ZFAT: variants seen among roughly 807,000 people sequenced by gnomAD.
ZFAT encodes the protein zinc finger and AT-hook domain containing.
A neutral mutation model predicts 117.7 loss-of-function variants in ZFAT; 64 were observed. The ratio of observed to expected loss-of-function variants is 0.54; its 90% CI spans 0.44 to 0.67. ZFAT has a LOEUF of 0.67. Ranked by LOEUF, ZFAT falls within the 30% of genes least tolerant of loss-of-function variation. The pLI is 0.00. For synonymous variants in ZFAT, 679 were observed against 615.0 expected, an observed-to-expected ratio of 1.10 and a Z score of -1.54; for missense variants, 1,433 against 1,584.5, an observed-to-expected ratio of 0.90 and a Z score of 1.62.
chr8:134,715,983 T>G (rs1814207150), upstream of ZFAT, among the ~76,000 whole-genome samples: 1 of 152,098 alleles, frequency 6.6e-6, no homozygotes, highest in African/African-American at 2.4e-5. Context: ...GGATCTTGGC[T>G]GGGCATGGTG....
the ZFAT span, among the ~76,000 whole-genome samples, chr8:134,803,355 G>C: frequency 6.6e-6 from 1 of 152,190 alleles, no homozygotes; most frequent in Non-Finnish European, 1.5e-5. Flanking sequence ...ACCTTTGGCA[G>C]GGAAGACTTC....
At chr8:134,591,448 G>A (rs1826495747) in intron 7 of ZFAT, among the ~76,000 whole-genome samples, 2 of 152,202 alleles carry the variant, frequency 1.3e-5, no homozygotes, top group African/African-American at 4.8e-5. Context: ...TATGGCTTTT[G>A]CTCACCTCCC....
At chr8:134,518,567 TC>T (rs1284035043) in intron 13 of ZFAT, among the ~76,000 whole-genome samples, 1 of 152,184 alleles carries the variant, frequency 6.6e-6, no homozygotes, top group Non-Finnish European at 1.5e-5. Context: ...ATTTACATTT[TC>T]TTTTCCCTGA....
chr8:134,577,797 AAG>A (rs1250926176), intron 10 of ZFAT, among the ~76,000 whole-genome samples: 7 of 152,204 alleles, frequency 4.6e-5, no homozygotes, highest in African/African-American at 1.7e-4. Context: ...AAAAACATGA[AAG>A]AGAGTATGAA....
intron 7 of ZFAT, among the ~76,000 whole-genome samples, chr8:134,592,660 T>C (rs897356060): frequency 6.6e-6 from 1 of 152,208 alleles, no homozygotes; most frequent in Non-Finnish European, 1.5e-5. Context: ...CTGAAAGACT[T>C]TGCTGCTGTG....
rs1235356198 is a variant in ZFAT, at chr8:134,702,679, CT to C, written c.19+10165del. 6.7e-4 allele frequency among the ~76,000 whole-genome samples: 90 copies of C among 134,382 alleles called. 1 individual carries two copies. The East Asian group carries it at 0.011, about 17-fold the overall frequency. The allele number at this position is 134,382 out of a possible 152,430, so 88.2% of individuals were successfully genotyped here. ...AATCTCTATTTCTTTTTTTTTTTTT[CT>C]TTTTTTTTTGAGACAGAGTCTCACG... is the stretch of plus-strand genomic sequence containing the variant. On this transcript the variant is annotated intron_variant, in intron 1 of 15. Transcript: ENST00000377838.
chr8:134,549,950 A>G (rs1009158217), intron 11 of ZFAT, among the ~76,000 whole-genome samples: 3 of 152,190 alleles, frequency 2.0e-5, no homozygotes, highest in African/African-American at 7.2e-5. Context: ...GACCTCTTCA[A>G]GGACCTCAGG....
At chr8:134,516,768 A>G (rs1384351722) in intron 13 of ZFAT, among the ~76,000 whole-genome samples, 1 of 152,104 alleles carries the variant, frequency 6.6e-6, no homozygotes, top group East Asian at 1.9e-4. Context: ...AGGTAAGAGA[A>G]TTGCTTGAGC....
chr8:134,647,265 A>G (rs1830953334), intron 2 of ZFAT, among the ~76,000 whole-genome samples: 1 of 152,224 alleles, frequency 6.6e-6, no homozygotes, highest in Admixed American at 6.5e-5. Context: ...ATTAAGGACA[A>G]AAATCATACA....
intron 3 of ZFAT, among the ~76,000 whole-genome samples, chr8:134,633,275 G>C (rs2131080328): frequency 6.6e-6 from 1 of 152,210 alleles, no homozygotes; most frequent in East Asian, 1.9e-4. Context: ...AGAATTAAAA[G>C]AGCTATTAGC....
intron 4 of ZFAT, among the ~76,000 whole-genome samples, chr8:134,609,862 C>A (rs9324428): frequency 1.3e-5 from 2 of 151,898 alleles, no homozygotes; most frequent in African/African-American, 2.4e-5. Context: ...TCTAAAAATA[C>A]AAAAAAAGAT....
the ZFAT span, among the ~76,000 whole-genome samples, chr8:134,739,341 G>C: frequency 2.0e-5 from 3 of 151,920 alleles, no homozygotes; most frequent in African/African-American, 7.3e-5. Context: ...CTTTATGCAT[G>C]CTCTTGAACC....
At chr8:134,541,286 T>C (rs547870840) in intron 11 of ZFAT, among the ~76,000 whole-genome samples, 35 of 152,150 alleles carry the variant, frequency 2.3e-4, no homozygotes, top group Non-Finnish European at 4.7e-4. Context: ...ATTGAAGGAT[T>C]AATGGGTTGT....
chr8:134,497,077 G>A (rs1818496405), intron 15 of ZFAT, among the ~76,000 whole-genome samples: 1 of 152,226 alleles, frequency 6.6e-6, no homozygotes, highest in South Asian at 2.1e-4. Flanking sequence ...AGTCAGCACG[G>A]GCGGGGTAGG....
chr8:134,783,231 C>T, the ZFAT span, among the ~76,000 whole-genome samples: 1 of 152,064 alleles, frequency 6.6e-6, no homozygotes, highest in South Asian at 2.1e-4. Context: ...CAAAAGTATT[C>T]CGTAAGTCAA....
chr8:134,685,666 GCAGA>G (rs1833283681), intron 1 of ZFAT, among the ~76,000 whole-genome samples: 1 of 152,094 alleles, frequency 6.6e-6, no homozygotes, highest in Admixed American at 6.5e-5. Context: ...CAGGTAAGAG[GCAGA>G]CAGTCTTTTA....
intron 5 of ZFAT, among the ~76,000 whole-genome samples, chr8:134,604,942 T>G (rs1194383226): frequency 6.6e-6 from 1 of 152,246 alleles, no homozygotes; most frequent in East Asian, 1.9e-4. Context: ...TTCATAACAT[T>G]AATTAAATAA....
At chr8:134,520,806 G>A in intron 13 of ZFAT, 77 bp downstream of exon 13, 2 of 1,066,380 alleles carry the variant, frequency 1.9e-6, no homozygotes, top group Non-Finnish European at 2.8e-6. Flanking sequence ...GATTGTCCGT[G>A]CCCAGTATTT....
intron 1 of ZFAT, among the ~76,000 whole-genome samples, chr8:134,702,679 C>CT (rs1235356198): frequency 1.6e-3 from 218 of 134,372 alleles, no homozygotes; most frequent in African/African-American, 4.2e-3. Context: ...TTTTTTTTTT[C>CT]TTTTTTTTTT....
Sources: allele counts gnomAD v4.1 joint callset (sites outside exome capture counted in the v4.1 genomes callset), GRCh38; gene constraint gnomAD v4.1.1; transcripts MANE v1.5; gene names NCBI Gene and HGNC (gene_info 2026-07-23, HGNC 2026-07-21).